Variants in CFAP299 observed in about 807,000 individuals in gnomAD.
CFAP299 encodes the protein cilia- and flagella-associated protein 299.
A neutral mutation model predicts 27.0 loss-of-function variants in CFAP299; 21 were observed. The ratio of observed to expected loss-of-function variants is 0.78; its 90% CI spans 0.55 to 1.12. The LOEUF (loss-of-function observed/expected upper bound fraction) is 1.12, where lower values mean the gene tolerates loss of function less well. Among genes scored for constraint, CFAP299 ranks in the 50% most tolerant of loss-of-function variants. The pLI, the probability that CFAP299 is intolerant of heterozygous loss-of-function variation, is 0.00. For missense variants in CFAP299, 310 were observed against 276.6 expected, an observed-to-expected ratio of 1.12 and a Z score of -0.86; for synonymous variants, 104 against 98.1, an observed-to-expected ratio of 1.06 and a Z score of -0.36.
chr4:80,786,829 A>G (rs1417127556), intron 3 of CFAP299, among the ~76,000 whole-genome samples: 4 of 152,086 alleles, frequency 2.6e-5, no homozygotes. Flanking sequence ...AAGGGTTGCT[A>G]TATTGCTACC....
intron 5 of CFAP299, among the ~76,000 whole-genome samples, chr4:80,962,063 T>C (rs974243281): frequency 2.0e-5 from 3 of 151,936 alleles, no homozygotes; most frequent in Non-Finnish European, 4.4e-5. Flanking sequence ...CTACTGGGGA[T>C]TTACCTTTGG....
At chr4:80,562,128 TA>T (rs1158912146) in intron 2 of CFAP299, among the ~76,000 whole-genome samples, 1 of 151,454 alleles carries the variant, frequency 6.6e-6, no homozygotes, top group Non-Finnish European at 1.5e-5. Flanking sequence ...TAACCTCAAG[TA>T]AAAAAACCTA....
chr4:80,820,696 T>G (rs1578155176), intron 3 of CFAP299, among the ~76,000 whole-genome samples: 1 of 152,116 alleles, frequency 6.6e-6, no homozygotes, highest in Admixed American at 6.6e-5. Flanking sequence ...GTGTGGTGGG[T>G]GGGCAGACAG....
chr4:80,613,637 A>G (rs1738115040), intron 3 of CFAP299, among the ~76,000 whole-genome samples: 1 of 152,156 alleles, frequency 6.6e-6, no homozygotes, highest in South Asian at 2.1e-4. Context: ...AATGCAGTCC[A>G]TCTGTCACTT....
At chr4:80,612,169 T>A (rs950580794) in intron 3 of CFAP299, among the ~76,000 whole-genome samples, 2 of 152,190 alleles carry the variant, frequency 1.3e-5, no homozygotes, top group South Asian at 4.1e-4. Context: ...TTTTATTTTT[T>A]CCAGAACACA....
At chr4:80,557,443 C>T (rs930810377) in intron 2 of CFAP299, among the ~76,000 whole-genome samples, 2 of 152,078 alleles carry the variant, frequency 1.3e-5, no homozygotes, top group African/African-American at 4.8e-5. Context: ...CTTAACAGTA[C>T]AAGCATTAGT....
chr4:80,431,687 A>G (rs982786891), intron 2 of CFAP299, among the ~76,000 whole-genome samples: 3 of 152,154 alleles, frequency 2.0e-5, no homozygotes, highest in Non-Finnish European at 2.9e-5. Flanking sequence ...AGTCTTCCTG[A>G]GGCATTGTCA....
rs535546008 is a variant in CFAP299 at position 80,689,606 on chromosome 4, CA to C, written c.333+106424del. ...CAAAATCATGCCAAATTGTAAAGAT[CA>C]TTGAGACTAGGCAGAAACTGCATCA... On this transcript the variant is annotated intron_variant, in intron 3 of 5. Coordinates refer to ENST00000358105, the MANE Select transcript of CFAP299 (RefSeq NM_152770.3). Among the ~76,000 whole-genome samples, 770 of 152,300 alleles carry C rather than the reference CA, an allele frequency of 5.1e-3. 5 individuals are homozygous for C. The highest frequency in any genetic ancestry group is 0.02 in the Middle Eastern group (6 of 294).
chr4:80,464,928 A>G (rs1254629255), intron 2 of CFAP299, among the ~76,000 whole-genome samples: 1 of 152,184 alleles, frequency 6.6e-6, no homozygotes, highest in Non-Finnish European at 1.5e-5. Context: ...CTCCTCTTCT[A>G]TAAGAATAAT....
At chr4:80,871,023 C>A in intron 4 of CFAP299, 1 of 499,856 alleles carries the variant, frequency 2.0e-6, no homozygotes, top group Non-Finnish European at 2.6e-6. Context: ...TCTCTTGTCT[C>A]AGCCTCCCAT....
Position 80,755,713 on chromosome 4 carries a change from A to G in CFAP299, c.334-114280A>G, listed in dbSNP as rs115855330. 5.0e-3 allele frequency among the ~76,000 whole-genome samples: 755 copies of G among 152,258 alleles called. 15 individuals are homozygous for G. The highest frequency in any genetic ancestry group is 0.018 in the African/African-American group (728 of 41,576). On this transcript the variant is annotated intron_variant, in intron 3 of 5. Coordinates refer to ENST00000358105, the MANE Select transcript of CFAP299 (RefSeq NM_152770.3). ...CCTGTGCAAGGAGCAGTGCAGTTTCATTAGGATTCTGTGGCCAGCAGAAAT... is the reference window on the plus strand; with the variant it reads ...CCTGTGCAAGGAGCAGTGCAGTTTCGTTAGGATTCTGTGGCCAGCAGAAAT...
At chr4:80,507,659 T>C (rs1158602384) in intron 2 of CFAP299, among the ~76,000 whole-genome samples, 1 of 152,146 alleles carries the variant, frequency 6.6e-6, no homozygotes, top group East Asian at 1.9e-4. Flanking sequence ...TGTGGTCTAA[T>C]TACATCTCCT....
At chr4:80,928,168 C>G (rs1736396204) in intron 4 of CFAP299, among the ~76,000 whole-genome samples, 1 of 152,082 alleles carries the variant, frequency 6.6e-6, no homozygotes, top group African/African-American at 2.4e-5. Flanking sequence ...CCTAGGTTCA[C>G]AGTACTCATT....
intron 2 of CFAP299, among the ~76,000 whole-genome samples, chr4:80,364,290 A>T (rs750945017): frequency 3.9e-5 from 6 of 152,132 alleles, no homozygotes; most frequent in Non-Finnish European, 8.8e-5. Context: ...CCTTATGATT[A>T]TACGGCTGAG....
At position 80,635,415 on chromosome 4, in the gene CFAP299, T is replaced by C. The variant is rs563967729; in HGVS notation, c.333+52232T>C. Among the ~76,000 whole-genome samples the C allele has an allele frequency of 2.8e-3, 426 of 152,324 alleles. 3 individuals carry two copies. The highest frequency in any genetic ancestry group is 0.014 in the South Asian group (68 of 4,832). On this transcript the variant is annotated intron_variant, in intron 3 of 5. Coordinates refer to ENST00000358105, the MANE Select transcript of CFAP299 (RefSeq NM_152770.3). The stretch of plus-strand genomic sequence containing the variant: ...TTGCCTTCTCTCTTCCTTCTTGCTA[T>C]AGCTGTCTTATAACTAACAGACTCT...
intron 1 of CFAP299, among the ~76,000 whole-genome samples, chr4:80,350,743 C>G (rs760425043): frequency 6.6e-6 from 1 of 151,816 alleles, no homozygotes; most frequent in Non-Finnish European, 1.5e-5. Flanking sequence ...TGAGAACGCA[C>G]GGACACACAG....
chr4:80,812,079 A>C (rs1397830343), intron 3 of CFAP299, among the ~76,000 whole-genome samples: 2 of 152,134 alleles, frequency 1.3e-5, no homozygotes, highest in African/African-American at 4.8e-5. Flanking sequence ...ATATGAATAC[A>C]AACAGTATTC....
chr4:80,650,207 T>C (rs1431781172), intron 3 of CFAP299, among the ~76,000 whole-genome samples: 2 of 152,048 alleles, frequency 1.3e-5, no homozygotes, highest in African/African-American at 4.8e-5. Flanking sequence ...ATACTTTTTG[T>C]GCATTGAGAA....
intron 3 of CFAP299, among the ~76,000 whole-genome samples, chr4:80,807,567 G>GA (rs1728927690): frequency 6.6e-6 from 1 of 152,078 alleles, no homozygotes; most frequent in Non-Finnish European, 1.5e-5. Flanking sequence ...ATACTCGGTA[G>GA]AAAAATATAT....
Sources: allele counts gnomAD v4.1 joint callset (sites outside exome capture counted in the v4.1 genomes callset), GRCh38; gene constraint gnomAD v4.1.1; transcripts MANE v1.5; gene names NCBI Gene and HGNC (gene_info 2026-07-23, HGNC 2026-07-21).